Variants in SCN7A observed in about 807,000 individuals in gnomAD.
SCN7A encodes the protein sodium voltage-gated channel alpha subunit 7.
A neutral mutation model predicts 155.2 loss-of-function variants in SCN7A; 138 were observed. The observed-to-expected ratio is 0.89, with a 90% CI of 0.77 to 1.02. The LOEUF (loss-of-function observed/expected upper bound fraction) is 1.02. SCN7A is among the 50% of genes least tolerant of loss of function. The pLI, the probability that SCN7A is intolerant of heterozygous loss-of-function variation, is 0.00. For synonymous variants in SCN7A, 693 were observed against 649.0 expected (o/e 1.07, Z -1.03); for missense variants, 2,058 against 1,986.6 (o/e 1.04, Z -0.68).
At position 166,439,055 on chromosome 2, in the gene SCN7A, G is replaced by GTGTGTATATATA. The variant is rs375208870; in HGVS notation, c.2157+2340_2157+2341insTATATATACACA. Among the ~76,000 whole-genome samples the GTGTGTATATATA allele has an allele frequency of 7.0e-3, 799 of 113,356 alleles. 15 individuals are homozygous for GTGTGTATATATA. The highest frequency in any genetic ancestry group is 0.019 in the African/African-American group (513 of 26,586). 74.4% of individuals were successfully genotyped at this position (113,356 alleles called of 152,430 possible). A position where few individuals can be genotyped will look rare whatever the true frequency, so the allele number is the denominator to read the frequency against. The stretch of plus-strand genomic sequence containing the variant: ...CACATACATATATGTGTGTGTGTGT[G>GTGTGTATATATA]TATATATATATATATATATATATAG... On this transcript the variant is annotated intron_variant, in intron 15 of 25. Transcript: ENST00000643258.
intron 10 of SCN7A, among the ~76,000 whole-genome samples, chr2:166,458,055 A>G (rs1383488984): frequency 6.6e-6 from 1 of 152,186 alleles, no homozygotes; most frequent in Non-Finnish European, 1.5e-5. Context: ...TGAGCAACCT[A>G]TTTAGGATTG....
At chr2:166,419,520 C>A (rs1008559274) in intron 20 of SCN7A, among the ~76,000 whole-genome samples, 1 of 151,900 alleles carries the variant, frequency 6.6e-6, no homozygotes, top group Admixed American at 6.6e-5. Context: ...CTTGCACACA[C>A]CACACCTGGC....
In SCN7A at chr2:166,416,826, A is replaced by G; in HGVS notation, c.3295T>C (p.Ser1099Pro). 6.2e-7 allele frequency: 1 copy of G among 1,613,670 alleles called. No individual in the cohort carries two copies. The highest frequency in any genetic ancestry group is 8.5e-7 in the Non-Finnish European group (1 of 1,179,756). ...CACCGACTCTTATTCATGACTTCAG[A>G]TGAAGGAAACCTTTCTCCACTTGTT... ...DPTSGERFPS[S>P]EVMNKSRCES... The change falls in exon 21 of 26, where the codon TCT (serine) becomes CCT (proline). Residue 1099 changes from serine (S) to proline (P), a missense_variant. By Grantham distance (74) the Ser-to-Pro change is moderately conservative (BLOSUM62 -1). Transcript: ENST00000643258.
At chr2:166,416,329 T>C (rs757006417) in intron 21 of SCN7A, among the ~76,000 whole-genome samples, 6 of 152,186 alleles carry the variant, frequency 3.9e-5, no homozygotes, top group Non-Finnish European at 7.3e-5. Flanking sequence ...CCTTGAAGCA[T>C]GTGACCTACT....
chr2:166,447,049 A>T (rs955748674), intron 12 of SCN7A, among the ~76,000 whole-genome samples: 4 of 152,226 alleles, frequency 2.6e-5, no homozygotes, highest in African/African-American at 9.6e-5. Context: ...ATTTAAAAAA[A>T]TCTGTGTGTG....
chr2:166,465,965 G>T lies in SCN7A; in HGVS notation c.687C>A (p.Val229=). Residue 229 remains valine (V), a synonymous_variant, in exon 8 of 26, where the codon GTC becomes GTA. Coordinates refer to ENST00000643258, the MANE Select transcript of SCN7A (RefSeq NM_002976.4). ...LNQGLKSLVG[V]LIHCLKQLIG... is the part of the protein sequence containing the mutation. ...TAAGCTGCTTCAAGCAGTGGATCAG[G>T]ACCCCTACAAGGGATTTCAGACCTG... 1.9e-6 allele frequency: 3 copies of T among 1,612,108 alleles called. No homozygotes were observed.
At chr2:166,416,133 G>C (rs1701371337) in intron 21 of SCN7A, among the ~76,000 whole-genome samples, 1 of 152,102 alleles carries the variant, frequency 6.6e-6, no homozygotes, top group Non-Finnish European at 1.5e-5. Context: ...AGGCTTACTA[G>C]GATTGGGAAA....
At chr2:166,416,186 C>T (rs1041497354) in intron 21 of SCN7A, among the ~76,000 whole-genome samples, 7 of 152,072 alleles carry the variant, frequency 4.6e-5, no homozygotes, top group Non-Finnish European at 7.4e-5. Context: ...TCTCTGCTCT[C>T]GAACCCTGTT....
At chr2:166,475,121 C>CATATATATGTAT (rs1702764021) in intron 3 of SCN7A, among the ~76,000 whole-genome samples, 1 of 102,234 alleles carries the variant, frequency 9.8e-6, no homozygotes, top group Non-Finnish European at 2.0e-5. Flanking sequence ...TATATATATA[C>CATATATATGTAT]ATATATATAT....
chr2:166,466,077 T>G, intron 7 of SCN7A, 90 bp from the exon 8 acceptor site: 14 of 815,832 alleles, frequency 1.7e-5, no homozygotes, highest in Non-Finnish European at 2.7e-5. Context: ...GCATACTCCA[T>G]TGAAATCAAC....
intron 16 of SCN7A, among the ~76,000 whole-genome samples, chr2:166,431,468 G>A (rs77168146): frequency 6.4e-4 from 98 of 152,094 alleles, no homozygotes; most frequent in African/African-American, 2.2e-3. Context: ...CACATTCCCC[G>A]ACCCTCCAGT....
In SCN7A at chr2:166,444,857, G is replaced by A; in HGVS notation, c.1531C>T (p.Leu511Phe). Reference protein sequence around the residue: ...IIMAPFTDLFLIICIILNVCF... With the variant: ...IIMAPFTDLFFIICIILNVCF... ...ACGTTTAAAATTATGCATATGATAAGGAAAAGATCAGTAAATGGTGCCATT... is the reference window on the plus strand; with the variant it reads ...ACGTTTAAAATTATGCATATGATAAAGAAAAGATCAGTAAATGGTGCCATT... The change falls in exon 13 of 26, where the codon CTT (leucine) becomes TTT (phenylalanine). Residue 511 changes from leucine to phenylalanine, a missense_variant. Physicochemically the swap from Leu to Phe is conservative, Grantham distance 22 (BLOSUM62 0). Coordinates refer to ENST00000643258, the MANE Select transcript of SCN7A (RefSeq NM_002976.4). 1.9e-6 allele frequency: 3 copies of A among 1,612,358 alleles called. No homozygotes were observed. The highest frequency in any genetic ancestry group is 1.7e-6 in the Non-Finnish European group (2 of 1,178,834).
rs745824441 is a variant in SCN7A at position 166,405,695 on chromosome 2, T to A, written c.4934A>T (p.Asp1645Val). The change falls in exon 26 of 26, where the codon GAC (aspartate) becomes GTC (valine). Residue 1645 changes from aspartate (D) to valine (V), a missense_variant. By Grantham distance (152) the Asp-to-Val change is radical (BLOSUM62 -3). Transcript: ENST00000643258. ...CATATGAATATCTGATGTATTTTTG[T>A]CATTTCGCCTCAAGCGGTAATTTTT... ...AYKNYRLRRN[D>V]KNTSDIHMID... The A allele has an allele frequency of 1.2e-6, 2 of 1,613,080 alleles. No homozygotes were observed. Among genetic ancestry groups the A allele is most frequent in the Non-Finnish European group, 1.7e-6 (2 of 1,179,352 alleles).
chr2:166,439,055 G>GTGTGTGTATATATATATATATATA (rs375208870), intron 15 of SCN7A, among the ~76,000 whole-genome samples: 18 of 113,398 alleles, frequency 1.6e-4, no homozygotes, highest in African/African-American at 4.9e-4. Flanking sequence ...GTGTGTGTGT[G>GTGTGTGTATATATATATATATATA]TATATATATA....
intron 15 of SCN7A, among the ~76,000 whole-genome samples, chr2:166,435,678 C>T (rs1381562162): frequency 6.6e-6 from 1 of 151,978 alleles, no homozygotes; most frequent in Admixed American, 6.5e-5. Flanking sequence ...TGAGTTACAT[C>T]TTAACATATA....
chr2:166,426,825 C>A (rs978996726), intron 18 of SCN7A, among the ~76,000 whole-genome samples: 1 of 151,946 alleles, frequency 6.6e-6, no homozygotes, highest in African/African-American at 2.4e-5. Flanking sequence ...CTGCTGCACA[C>A]CCATGGAGAG....
intron 10 of SCN7A, among the ~76,000 whole-genome samples, chr2:166,460,838 A>G (rs1418708727): frequency 6.6e-6 from 1 of 152,130 alleles, no homozygotes; most frequent in Non-Finnish European, 1.5e-5. Context: ...AGGGCACTAT[A>G]TATCATGCAT....
chr2:166,489,807 T>C (rs999564583), intron 1 of SCN7A, among the ~76,000 whole-genome samples: 1 of 152,140 alleles, frequency 6.6e-6, no homozygotes, highest in South Asian at 2.1e-4. Flanking sequence ...TCCACTTAAT[T>C]CTGGACTCAA....
Position 166,443,583 on chromosome 2 carries a change from T to C in SCN7A, c.1720A>G (p.Ser574Gly). 6.3e-7 allele frequency: 1 copy of C among 1,587,886 alleles called. No individual in the cohort carries two copies. The highest frequency in any genetic ancestry group is 8.6e-7 in the Non-Finnish European group (1 of 1,166,112). Residue 574 changes from serine to glycine, a missense_variant, in exon 14 of 26, where the codon AGC becomes GGC. Transcript: ENST00000643258. ...ATTAAACCATGGAACACTATCATGC[T>C]ATCAAAAATGTTCCAACCTACTTGG... ...YFQVGWNIFDSMIVFHGLIEL... is the reference protein window; with the variant it reads ...YFQVGWNIFDGMIVFHGLIEL...
Sources: allele counts gnomAD v4.1 joint callset (sites outside exome capture counted in the v4.1 genomes callset), GRCh38; gene constraint gnomAD v4.1.1; transcripts MANE v1.5; gene names NCBI Gene and HGNC (gene_info 2026-07-23, HGNC 2026-07-21).